Variants in PXDNL observed in about 807,000 individuals in gnomAD.
The protein encoded by PXDNL is probable oxidoreductase PXDNL.
Under a neutral mutation model 150.8 loss-of-function variants are expected in PXDNL, and 145 were observed. The observed-to-expected ratio is 0.96, with a 90% confidence interval of 0.84 to 1.10. The LOEUF (loss-of-function observed/expected upper bound fraction) is 1.10. Among genes scored for constraint, PXDNL ranks in the 50% least tolerant of loss-of-function variants. The probability of loss-of-function intolerance (pLI) is 0.00; values close to 1 mark genes in which losing one functional copy is unlikely to be tolerated. For synonymous variants in PXDNL, 757 were observed against 725.7 expected (o/e 1.04, Z -0.69); for missense variants, 2,087 against 1,873.9 (o/e 1.11, Z -2.10).
At chr8:51,509,586 C>T (rs556263677) in intron 4 of PXDNL, among the ~76,000 whole-genome samples, 109 of 152,042 alleles carry the variant, frequency 7.2e-4, no homozygotes, top group African/African-American at 1.8e-3. Flanking sequence ...GCATGTGTCT[C>T]CTTCCCTGAC....
At chr8:51,755,924 A>G (rs981122069) in intron 1 of PXDNL, among the ~76,000 whole-genome samples, 1 of 152,204 alleles carries the variant, frequency 6.6e-6, no homozygotes, top group Admixed American at 6.5e-5. Context: ...TTTTCCATAT[A>G]TTAGGTTGGT....
chr8:51,579,839 A>C (rs1391207437), intron 3 of PXDNL, among the ~76,000 whole-genome samples: 1 of 152,006 alleles, frequency 6.6e-6, no homozygotes, highest in East Asian at 1.9e-4. Context: ...ATGACTCTCC[A>C]GAGAATGATG....
At chr8:51,669,099 T>C (rs2130825882) in intron 1 of PXDNL, among the ~76,000 whole-genome samples, 1 of 152,356 alleles carries the variant, frequency 6.6e-6, no homozygotes, top group Non-Finnish European at 1.5e-5. Flanking sequence ...ATGAATACAT[T>C]AAAATGTCAA....
intron 3 of PXDNL, among the ~76,000 whole-genome samples, chr8:51,591,705 G>A (rs111699113): frequency 0.025 from 3,718 of 151,636 alleles, 141 homozygotes; most frequent in African/African-American, 0.086. Flanking sequence ...TGCAAGCTCC[G>A]CCTCCTGGGT....
intron 3 of PXDNL, among the ~76,000 whole-genome samples, chr8:51,575,448 G>A (rs565563641): frequency 6.6e-6 from 1 of 152,090 alleles, no homozygotes; most frequent in East Asian, 1.9e-4. Flanking sequence ...TAAAAGACAA[G>A]GTTGCCCCTG....
chr8:51,674,093 T>C (rs989101593), intron 1 of PXDNL, among the ~76,000 whole-genome samples: 7 of 152,230 alleles, frequency 4.6e-5, no homozygotes, highest in Admixed American at 2.0e-4. Flanking sequence ...TTTCATCTCT[T>C]TAATACTCAG....
At chr8:51,640,039 C>T (rs1814710164) in intron 2 of PXDNL, among the ~76,000 whole-genome samples, 3 of 152,164 alleles carry the variant, frequency 2.0e-5, no homozygotes, top group South Asian at 4.2e-4. Flanking sequence ...GGATGGAAGG[C>T]TGGTTCAATA....
intron 2 of PXDNL, among the ~76,000 whole-genome samples, chr8:51,595,151 T>C (rs1489060692): frequency 6.6e-6 from 1 of 152,176 alleles, no homozygotes; most frequent in Non-Finnish European, 1.5e-5. Context: ...ATCAAACTTT[T>C]GGGGTAAAAG....
chr8:51,754,151 A>T (rs926509003), intron 1 of PXDNL, among the ~76,000 whole-genome samples: 1 of 152,250 alleles, frequency 6.6e-6, no homozygotes, highest in Non-Finnish European at 1.5e-5. Flanking sequence ...TCAAAGCCCG[A>T]TGCAACAAGA....
At chr8:51,652,885 A>G (rs2130799086) in intron 2 of PXDNL, among the ~76,000 whole-genome samples, 1 of 152,256 alleles carries the variant, frequency 6.6e-6, no homozygotes, top group East Asian at 1.9e-4. Context: ...TTATTCATCA[A>G]TAATTAGTGT....
rs142560028 is a variant in PXDNL at position 51,800,431 on chromosome 8, G to A, written c.164+8750C>T. ...AGATAAGACAGGAAAGGTGTGTCAC[G>A]CAGCCTGGGAGTAACAGGGAGAAGA... On this transcript the variant is annotated intron_variant, in intron 1 of 22. Transcript: ENST00000356297. Among the ~76,000 whole-genome samples the A allele has an allele frequency of 2.5e-4, 38 of 152,260 alleles. No homozygotes were observed. The East Asian group carries it at 7.1e-3, about 29-fold the overall frequency.
intron 20 of PXDNL, among the ~76,000 whole-genome samples, chr8:51,344,239 G>C (rs1267317700): frequency 6.6e-6 from 1 of 151,730 alleles, no homozygotes; most frequent in Non-Finnish European, 1.5e-5. Flanking sequence ...CTAGTAGCAG[G>C]GACTACTGGT....
At chr8:51,415,713 G>A (rs1448365923) in intron 14 of PXDNL, among the ~76,000 whole-genome samples, 2 of 152,128 alleles carry the variant, frequency 1.3e-5, no homozygotes, top group Non-Finnish European at 2.9e-5. Context: ...CTTAAAAGAT[G>A]CTTAAGGTAA....
At chr8:51,555,706 C>T (rs954345112) in intron 4 of PXDNL, among the ~76,000 whole-genome samples, 4 of 152,088 alleles carry the variant, frequency 2.6e-5, no homozygotes, top group Non-Finnish European at 4.4e-5. Context: ...TCTACATATC[C>T]GAGTTTCAGA....
intron 1 of PXDNL, among the ~76,000 whole-genome samples, chr8:51,695,846 A>T (rs2130870386): frequency 6.6e-6 from 1 of 152,318 alleles, no homozygotes; most frequent in African/African-American, 2.4e-5. Context: ...AGGTTATTTG[A>T]TCTCTAACTC....
intron 1 of PXDNL, among the ~76,000 whole-genome samples, chr8:51,717,363 C>T (rs1477902156): frequency 6.6e-6 from 1 of 152,194 alleles, no homozygotes; most frequent in Non-Finnish European, 1.5e-5. Flanking sequence ...AAAAACCATT[C>T]TAAGGACACA....
chr8:51,395,253 T>C (rs1022650478), intron 17 of PXDNL, among the ~76,000 whole-genome samples: 1 of 152,142 alleles, frequency 6.6e-6, no homozygotes, highest in Non-Finnish European at 1.5e-5. Flanking sequence ...AGATGCTGGG[T>C]GAACACACTC....
At chr8:51,599,151 TCTATCCATCTTGTTTGC>T (rs1392886265) in intron 2 of PXDNL, among the ~76,000 whole-genome samples, 1 of 152,164 alleles carries the variant, frequency 6.6e-6, no homozygotes, top group East Asian at 1.9e-4. Context: ...TAGCTAGTGG[TCTATCCATCTTGTTTGC>T]CTTTTTGAAC....
At chr8:51,792,536 G>A (rs1156887941) in intron 1 of PXDNL, among the ~76,000 whole-genome samples, 1 of 152,240 alleles carries the variant, frequency 6.6e-6, no homozygotes, top group African/African-American at 2.4e-5. Flanking sequence ...TTCCCGGCAG[G>A]AGAGGTGTTC....
Sources: gnomAD v4.1 joint callset for allele counts (sites outside exome capture counted in the v4.1 genomes callset) on GRCh38, gnomAD v4.1.1 for gene constraint, MANE v1.5 for transcripts, NCBI Gene and HGNC (gene_info 2026-07-23, HGNC 2026-07-21) for gene names.